The following BNC2 variants were observed in gnomAD, a reference collection of about 807,000 sequenced individuals.
BNC2 encodes zinc finger protein basonuclin-2.
Under a neutral mutation model 76.3 loss-of-function variants are expected in BNC2, and 20 were observed. The observed-to-expected ratio is 0.26, with a 90% CI of 0.18 to 0.38. The LOEUF (loss-of-function observed/expected upper bound fraction) is 0.38. Among genes scored for constraint, BNC2 ranks in the 10% least tolerant of loss-of-function variants. The probability of loss-of-function intolerance (pLI) is 1.00; values close to 1 mark genes in which losing one functional copy is unlikely to be tolerated. For synonymous variants in BNC2, 582 were observed against 514.8 expected (o/e 1.13, Z -1.77); for missense variants, 1,382 against 1,399.8 (o/e 0.99, Z 0.20).
At chr9:16,793,744 C>T (rs1258386586) in intron 1 of BNC2, among the ~76,000 whole-genome samples, 2 of 146,364 alleles carry the variant, frequency 1.4e-5, no homozygotes, top group Non-Finnish European at 3.0e-5. Flanking sequence ...GGGCTCATTG[C>T]AAGCTCCGCC....
intron 1 of BNC2, among the ~76,000 whole-genome samples, chr9:16,863,938 A>T (rs1819474179): frequency 6.6e-6 from 1 of 152,190 alleles, no homozygotes; most frequent in Admixed American, 6.5e-5. Context: ...AAAAAAAGAC[A>T]AACTTTTGGG....
rs145890900 is a variant in BNC2, at chr9:16,649,200, C to A, written c.331-66115G>T. Among the ~76,000 whole-genome samples, 411 of 152,284 alleles carry A rather than the reference C, an allele frequency of 2.7e-3. 3 individuals carry two copies. The highest frequency in any genetic ancestry group is 9.3e-3 in the African/African-American group (387 of 41,554). On this transcript the variant is annotated intron_variant, in intron 3 of 6. Transcript: ENST00000380672. The stretch of plus-strand genomic sequence containing the variant: ...GGTCTTCCAGGACGGACTCACGGGC[C>A]CCAGCACACCCACTGCATCTTGGAG...
chr9:16,523,025 A>C (rs149601133), intron 5 of BNC2, among the ~76,000 whole-genome samples: 1 of 152,306 alleles, frequency 6.6e-6, no homozygotes, highest in African/African-American at 2.4e-5. Context: ...TATTCACTCA[A>C]TCAGAAGACT....
At chr9:16,699,388 A>G (rs1421697752) in intron 3 of BNC2, among the ~76,000 whole-genome samples, 1 of 152,254 alleles carries the variant, frequency 6.6e-6, no homozygotes, top group Non-Finnish European at 1.5e-5. Context: ...CAAAAGCCAC[A>G]TAAGATTTTA....
intron 4 of BNC2, among the ~76,000 whole-genome samples, chr9:16,554,182 G>A (rs368811707): frequency 2.0e-5 from 3 of 152,126 alleles, no homozygotes; most frequent in Non-Finnish European, 4.4e-5. Flanking sequence ...TACACTACAC[G>A]TGCATTCTCA....
At chr9:16,424,914 G>A (rs889425077) in intron 6 of BNC2, among the ~76,000 whole-genome samples, 2 of 152,066 alleles carry the variant, frequency 1.3e-5, no homozygotes, top group African/African-American at 4.8e-5. Context: ...ATGGCTCTGT[G>A]CACAAAATGA....
chr9:16,846,548 C>T (rs920597948), intron 1 of BNC2, among the ~76,000 whole-genome samples: 2 of 152,130 alleles, frequency 1.3e-5, no homozygotes, highest in African/African-American at 4.8e-5. Context: ...ACTTTAATTT[C>T]GACAAGGCTG....
intron 1 of BNC2, among the ~76,000 whole-genome samples, chr9:16,740,897 C>T (rs985105648): frequency 1.3e-5 from 2 of 151,662 alleles, no homozygotes; most frequent in African/African-American, 4.8e-5. Context: ...GTAAGAGATA[C>T]AGAAAAAAAA....
At chr9:16,859,196 A>G (rs2136197860) in intron 1 of BNC2, among the ~76,000 whole-genome samples, 1 of 148,856 alleles carries the variant, frequency 6.7e-6, no homozygotes, top group East Asian at 2.0e-4. Flanking sequence ...AAAAAAAAAC[A>G]GGAAATAATA....
chr9:16,678,980 A>G (rs914974203), intron 3 of BNC2, among the ~76,000 whole-genome samples: 2 of 152,192 alleles, frequency 1.3e-5, no homozygotes, highest in African/African-American at 4.8e-5. Context: ...TTTAATAGCA[A>G]GAAAACAACA....
intron 5 of BNC2, among the ~76,000 whole-genome samples, chr9:16,520,274 C>G (rs539331923): frequency 6.6e-6 from 1 of 152,098 alleles, no homozygotes; most frequent in Admixed American, 6.5e-5. Flanking sequence ...ATAAGGGTCA[C>G]AGAAAAGGAA....
At chr9:16,486,319 T>C (rs1202928202) in intron 5 of BNC2, among the ~76,000 whole-genome samples, 5 of 152,224 alleles carry the variant, frequency 3.3e-5, no homozygotes, top group Admixed American at 6.5e-5. Context: ...ACAGTAATTA[T>C]ACTTCTTGAA....
chr9:16,714,133 G>C (rs759640863), intron 3 of BNC2, among the ~76,000 whole-genome samples: 1 of 152,144 alleles, frequency 6.6e-6, no homozygotes, highest in Non-Finnish European at 1.5e-5. Flanking sequence ...AAGGCAAAAT[G>C]TCTGCCACCC....
At chr9:16,836,089 T>A (rs537637647) in intron 1 of BNC2, among the ~76,000 whole-genome samples, 88 of 152,294 alleles carry the variant, frequency 5.8e-4, no homozygotes, top group African/African-American at 2.1e-3. Flanking sequence ...GGGATTGATT[T>A]TAGCAGTTTT....
chr9:16,443,806 C>A (rs887927752), intron 5 of BNC2, among the ~76,000 whole-genome samples: 1 of 152,130 alleles, frequency 6.6e-6, no homozygotes, highest in Non-Finnish European at 1.5e-5. Context: ...ATTATGGGAA[C>A]ATAAAGTGGA....
At chr9:16,659,202 A>C (rs1210988540) in intron 3 of BNC2, among the ~76,000 whole-genome samples, 2 of 152,092 alleles carry the variant, frequency 1.3e-5, no homozygotes, top group Non-Finnish European at 2.9e-5. Context: ...GAGGGCCCTG[A>C]CAATAGTATT....
chr9:16,633,688 A>G (rs1434414335), intron 3 of BNC2, among the ~76,000 whole-genome samples: 1 of 152,220 alleles, frequency 6.6e-6, no homozygotes, highest in Non-Finnish European at 1.5e-5. Context: ...ATCCGGAAAT[A>G]CAGTATATCG....
At position 16,557,852 on chromosome 9, in the gene BNC2, T is replaced by G. The variant is rs180754325; in HGVS notation, c.434-5087A>C. 7.4e-4 allele frequency among the ~76,000 whole-genome samples: 113 copies of G among 152,026 alleles called. 1 individual carries two copies. Among genetic ancestry groups the G allele is most frequent in the Middle Eastern group, 3.4e-3 (1 of 290 alleles). ...GTATTTCTTTCTTTTCTGTTTTTTT[T>G]TTGTTGTTGTTTGTTTGTTTTTTTT... is the stretch of plus-strand genomic sequence containing the variant. On this transcript the variant is annotated intron_variant, in intron 4 of 6. Coordinates refer to ENST00000380672, the MANE Select transcript of BNC2 (RefSeq NM_017637.6).
intron 3 of BNC2, among the ~76,000 whole-genome samples, chr9:16,722,776 G>A (rs1394067791): frequency 6.6e-6 from 1 of 152,132 alleles, no homozygotes; most frequent in Admixed American, 6.5e-5. Flanking sequence ...ACGTTTACAT[G>A]TACATAGAAT....
Sources: gnomAD v4.1 joint callset for allele counts (sites outside exome capture counted in the v4.1 genomes callset) on GRCh38, gnomAD v4.1.1 for gene constraint, MANE v1.5 for transcripts, NCBI Gene and HGNC (gene_info 2026-07-23, HGNC 2026-07-21) for gene names.